The following USP6NL variants were observed in gnomAD, a reference collection of about 807,000 sequenced individuals.
USP6NL encodes the protein USP6 N-terminal-like protein.
In USP6NL, 26 loss-of-function variants were observed where a neutral mutation model predicts 61.9. The observed-to-expected ratio is 0.42, with a 90% CI of 0.31 to 0.58. The LOEUF is 0.58. Ranked by LOEUF, USP6NL falls within the 20% of genes least tolerant of loss-of-function variation. The pLI, the probability that USP6NL is intolerant of heterozygous loss-of-function variation, is 0.16. For synonymous variants in USP6NL, 432 were observed against 390.1 expected (o/e 1.11, Z -1.27); for missense variants, 1,114 against 1,034.3 (o/e 1.08, Z -1.06).
intron 1 of USP6NL, among the ~76,000 whole-genome samples, chr10:11,599,857 C>T (rs1564243657): frequency 6.6e-6 from 1 of 151,410 alleles, no homozygotes; most frequent in Non-Finnish European, 1.5e-5. Flanking sequence ...GACAGCATTT[C>T]ACGGTGTTAG....
intron 2 of USP6NL, among the ~76,000 whole-genome samples, chr10:11,544,781 G>A (rs938056398): frequency 2.0e-5 from 3 of 152,062 alleles, no homozygotes; most frequent in South Asian, 4.1e-4. Flanking sequence ...GAGCCACCAC[G>A]CCTGGCCAGT....
At chr10:11,563,540 T>A (rs1156526314) in intron 2 of USP6NL, 2 of 152,154 alleles carry the variant, frequency 1.3e-5, no homozygotes, top group Admixed American at 1.3e-4. Flanking sequence ...TAAAGTTACA[T>A]AAAAATGGAG....
At chr10:11,466,696 C>T (rs1832467890) in intron 14 of USP6NL, among the ~76,000 whole-genome samples, 1 of 152,180 alleles carries the variant, frequency 6.6e-6, no homozygotes. Flanking sequence ...AATTTCATCA[C>T]CGTGTGAACA....
Position 11,596,532 on chromosome 10 carries a change from G to C in USP6NL, c.4+1099C>G, listed in dbSNP as rs1347879160. Among the ~76,000 whole-genome samples, 1 of 151,874 alleles carries C rather than the reference G, an allele frequency of 6.6e-6. No homozygotes were observed. Among genetic ancestry groups the C allele is most frequent in the African/African-American group, 2.4e-5 (1 of 41,304 alleles). On this transcript the variant is annotated intron_variant, in intron 2 of 14. Coordinates refer to ENST00000609104, the MANE Select transcript of USP6NL (RefSeq NM_014688.5). The surrounding 1 kb of genome is among the most constrained non-coding windows in gnomAD (Gnocchi z 4.1). The stretch of plus-strand genomic sequence containing the variant: ...CCAGCTACTCGGGAGGCTGAGGCAG[G>C]AGAATGGCGCGAACCCAGGAGGTGG...
chr10:11,509,573 G>GA (rs781134852), intron 6 of USP6NL, 22 bp downstream of exon 6: 15 of 1,520,066 alleles, frequency 9.9e-6, no homozygotes, highest in Non-Finnish European at 1.3e-5. Context: ...GTTTCATATG[G>GA]AAAAACATGA....
Position 11,468,561 on chromosome 10 carries a change from G to A in USP6NL, c.1079-4712C>T, listed in dbSNP as rs1044794990. Reference sequence around the variant, plus strand: ...GCGTTAGTTACAAGGACAGGGTAGGGAAGAGAGGTCAAGGACAGCAGCAAG... The same window carrying A: ...GCGTTAGTTACAAGGACAGGGTAGGAAAGAGAGGTCAAGGACAGCAGCAAG... On this transcript the variant is annotated intron_variant, in intron 14 of 14. Coordinates refer to ENST00000609104, the MANE Select transcript of USP6NL (RefSeq NM_014688.5). This position sits in a 1 kb window ranked among gnomAD's most constrained non-coding sequence, Gnocchi z 4.5. 2.6e-5 allele frequency among the ~76,000 whole-genome samples: 4 copies of A among 152,234 alleles called. No homozygotes were observed. The highest frequency in any genetic ancestry group is 4.4e-5 in the Non-Finnish European group (3 of 68,036).
Position 11,562,741 on chromosome 10 carries a change from G to A in USP6NL, c.4+34890C>T, listed in dbSNP as rs1014894721. Reference sequence around the variant, plus strand: ...TTCACTTGTTTCTTGATCTAAAAACGTGGAATTCCACACAGTACAATCATA... The same window carrying A: ...TTCACTTGTTTCTTGATCTAAAAACATGGAATTCCACACAGTACAATCATA... On this transcript the variant is annotated intron_variant, in intron 2 of 14. Coordinates refer to ENST00000609104, the MANE Select transcript of USP6NL (RefSeq NM_014688.5). The surrounding 1 kb of genome is among the most constrained non-coding windows in gnomAD (Gnocchi z 4.8). The A allele has an allele frequency of 3.7e-5, 36 of 985,224 alleles. 1 individual carries two copies. The South Asian group carries it at 6.1e-4, about 17-fold the overall frequency. The allele number at this position is 985,224 out of a possible 1,614,324, so 61.0% of individuals were successfully genotyped here.
chr10:11,526,162 C>T (rs181999338), intron 3 of USP6NL, among the ~76,000 whole-genome samples: 81 of 151,208 alleles, frequency 5.4e-4, no homozygotes, highest in Non-Finnish European at 2.2e-4. Flanking sequence ...AAAGTTCGGT[C>T]CACAGCCCGC....
Position 11,540,978 on chromosome 10 carries a change from T to C in USP6NL, c.5-13411A>G, listed in dbSNP as rs1396034282. 6.6e-6 allele frequency among the ~76,000 whole-genome samples: 1 copy of C among 151,294 alleles called. No homozygotes were observed. Among genetic ancestry groups the C allele is most frequent in the East Asian group, 1.9e-4 (1 of 5,170 alleles). Reference sequence around the variant, plus strand: ...AAAAGTGCTCATATCACACTAAAAGTGTCACTCATTCAATCATTTTTGTAA... The same window carrying C: ...AAAAGTGCTCATATCACACTAAAAGCGTCACTCATTCAATCATTTTTGTAA... On this transcript the variant is annotated intron_variant, in intron 2 of 14. Transcript: ENST00000609104. This position sits in a 1 kb window ranked among gnomAD's most constrained non-coding sequence, Gnocchi z 5.0.
Position 11,525,168 on chromosome 10 carries a change from CT to C in USP6NL, c.155+217del, listed in dbSNP as rs1348030767. Among the ~76,000 whole-genome samples, 1 of 152,078 alleles carries C rather than the reference CT, an allele frequency of 6.6e-6. No individual in the cohort carries two copies. Among genetic ancestry groups the C allele is most frequent in the African/African-American group, 2.4e-5 (1 of 41,412 alleles). The stretch of plus-strand genomic sequence containing the variant: ...TAACTCACCTACTGCACTTAATGTT[CT>C]TACTAAATTGCAAAAAATATTAAAA... On this transcript the variant is annotated intron_variant, in intron 4 of 14. Coordinates refer to ENST00000609104, the MANE Select transcript of USP6NL (RefSeq NM_014688.5). The surrounding 1 kb of genome is among the most constrained non-coding windows in gnomAD (Gnocchi z 5.0).
chr10:11,534,096 C>G (rs1292961227), intron 2 of USP6NL, among the ~76,000 whole-genome samples: 6 of 152,094 alleles, frequency 3.9e-5, no homozygotes, highest in Non-Finnish European at 8.8e-5. Flanking sequence ...ATCCCCCACC[C>G]TTGATATCTG....
intron 2 of USP6NL, among the ~76,000 whole-genome samples, chr10:11,586,375 A>C (rs993244935): frequency 3.2e-4 from 49 of 151,826 alleles, no homozygotes; most frequent in African/African-American, 1.1e-3. Flanking sequence ...CCAAAAAAAA[A>C]CTGAGCCATC....
At chr10:11,558,650 T>C (rs1195902558) in intron 2 of USP6NL, among the ~76,000 whole-genome samples, 1 of 152,226 alleles carries the variant, frequency 6.6e-6, no homozygotes, top group Non-Finnish European at 1.5e-5. Flanking sequence ...ACTTGGCTCC[T>C]TAAAACCTCC....
intron 2 of USP6NL, among the ~76,000 whole-genome samples, chr10:11,569,018 C>A (rs1265492086): frequency 6.6e-6 from 1 of 152,198 alleles, no homozygotes; most frequent in Non-Finnish European, 1.5e-5. Flanking sequence ...GCAGCCATTT[C>A]TCAAGTTCTC....
At chr10:11,472,523 G>A (rs1465825919) in intron 14 of USP6NL, among the ~76,000 whole-genome samples, 3 of 152,208 alleles carry the variant, frequency 2.0e-5, no homozygotes, top group South Asian at 2.1e-4. Context: ...AACAGTTTTC[G>A]GGAAGAATCG....
Position 11,481,286 on chromosome 10 carries a change from G to A in USP6NL, c.1078+484C>T, listed in dbSNP as rs547313105. Among the ~76,000 whole-genome samples the A allele has an allele frequency of 6.7e-6, 1 of 150,212 alleles. No individual in the cohort carries two copies. Among genetic ancestry groups the A allele is most frequent in the Non-Finnish European group, 1.5e-5 (1 of 67,662 alleles). On this transcript the variant is annotated intron_variant, in intron 14 of 14. Coordinates refer to ENST00000609104, the MANE Select transcript of USP6NL (RefSeq NM_014688.5). This position sits in a 1 kb window ranked among gnomAD's most constrained non-coding sequence, Gnocchi z 4.4. ...CCCTGGGCTAGTAGTCAGAAAAACT[G>A]GCCTGCAGTCTCAGTAATGCTATTT...
At chr10:11,501,009 G>T in intron 7 of USP6NL, 92 bp downstream of exon 7, 2 of 975,076 alleles carry the variant, frequency 2.1e-6, no homozygotes, top group Non-Finnish European at 2.9e-6. Flanking sequence ...AATTTTAAGT[G>T]ATCATATGAA....
chr10:11,525,392 A>C lies in USP6NL; in HGVS notation c.149T>G (p.Phe50Cys). 1.3e-6 allele frequency: 2 copies of C among 1,599,554 alleles called. No homozygotes were observed. Among genetic ancestry groups the C allele is most frequent in the Non-Finnish European group, 1.7e-6 (2 of 1,176,448 alleles). The part of the protein sequence containing the change: ...LVYKVTDRFG[F>C]LHEEELPDHN... ...TTCAATCTATGTGACTTACTGTAAA[A>C]AGCCAAATCTATCTGTGACTTTGTA... Residue 50 changes from phenylalanine (F) to cysteine (C), a missense_variant, in exon 4 of 15, where the codon TTT (phenylalanine) becomes TGT (cysteine). Physicochemically the swap from Phe to Cys is radical, Grantham distance 205. Transcript: ENST00000609104. The surrounding 1 kb of genome is among the most constrained non-coding windows in gnomAD (Gnocchi z 5.0).
intron 2 of USP6NL, among the ~76,000 whole-genome samples, chr10:11,551,125 C>T (rs1053317960): frequency 6.6e-6 from 1 of 152,120 alleles, no homozygotes; most frequent in Non-Finnish European, 1.5e-5. Flanking sequence ...AATCTCACTC[C>T]TAGGTATCTA....
Sources: gnomAD v4.1 joint callset for allele counts (sites outside exome capture counted in the v4.1 genomes callset) on GRCh38, gnomAD v4.1.1 for gene constraint, Gnocchi (gnomAD v3.1) non-coding constraint, MANE v1.5 for transcripts, NCBI Gene and HGNC (gene_info 2026-07-23, HGNC 2026-07-21) for gene names.